Variants in CEMIP observed in about 807,000 individuals in gnomAD.
CEMIP encodes the protein cell migration-inducing and hyaluronan-binding protein.
A neutral mutation model predicts 156.9 loss-of-function variants in CEMIP; 105 were observed. The ratio of observed to expected loss-of-function variants is 0.67; its 90% CI spans 0.57 to 0.79. CEMIP has a LOEUF of 0.79. Ranked by LOEUF, CEMIP falls within the 30% of genes least tolerant of loss-of-function variation. CEMIP has a pLI of 0.00. For synonymous variants in CEMIP, 676 were observed against 668.4 expected, an observed-to-expected ratio of 1.01 and a Z score of -0.17; for missense variants, 1,457 against 1,769.4, an observed-to-expected ratio of 0.82 and a Z score of 3.17.
chr15:80,934,289 T>C (rs962546231), intron 23 of CEMIP, among the ~76,000 whole-genome samples: 3 of 152,260 alleles, frequency 2.0e-5, no homozygotes, highest in Non-Finnish European at 2.9e-5. Context: ...TGCTTTTGTT[T>C]TGAAATTTAA....
At chr15:80,783,353 C>G (rs989140385) in intron 1 of CEMIP, among the ~76,000 whole-genome samples, 1 of 152,238 alleles carries the variant, frequency 6.6e-6, no homozygotes, top group Non-Finnish European at 1.5e-5. Context: ...CTACACATCT[C>G]TTTCTACATG....
chr15:80,802,089 C>T (rs1896391517), intron 1 of CEMIP, among the ~76,000 whole-genome samples: 1 of 152,170 alleles, frequency 6.6e-6, no homozygotes, highest in Admixed American at 6.5e-5. Flanking sequence ...CTTGGAAGTA[C>T]TCATGGGGTC....
chr15:80,808,588 C>A (rs2141619547), intron 1 of CEMIP, among the ~76,000 whole-genome samples: 1 of 151,808 alleles, frequency 6.6e-6, no homozygotes, highest in East Asian at 1.9e-4. Flanking sequence ...AAAACTTAGG[C>A]CCATGAAAAT....
At chr15:80,788,472 A>T (rs1237545772) in intron 1 of CEMIP, among the ~76,000 whole-genome samples, 4 of 88,500 alleles carry the variant, frequency 4.5e-5, no homozygotes, top group Admixed American at 1.2e-4. Context: ...ACTCCATCTC[A>T]AAAAAAAAAA....
At chr15:80,802,098 TCATATTG>T (rs1896391651) in intron 1 of CEMIP, among the ~76,000 whole-genome samples, 2 of 152,106 alleles carry the variant, frequency 1.3e-5, no homozygotes, top group African/African-American at 4.8e-5. Flanking sequence ...ACTCATGGGG[TCATATTG>T]CATTGTTTCT....
At chr15:80,886,806 G>C (rs1030807846) in intron 7 of CEMIP, among the ~76,000 whole-genome samples, 2 of 144,322 alleles carry the variant, frequency 1.4e-5, no homozygotes, top group African/African-American at 4.9e-5. Flanking sequence ...CAGTAAACAG[G>C]GGAAATTTAG....
chr15:80,942,085 T>C, intron 26 of CEMIP, 32 bp downstream of exon 26: 3 of 1,601,326 alleles, frequency 1.9e-6, no homozygotes, highest in Non-Finnish European at 2.6e-6. Context: ...CTAGACCCCT[T>C]TGCCGTCCAG....
rs552338243 is a variant in CEMIP at position 80,839,342 on chromosome 15, G to A, written c.-175-34196G>A. 5.8e-3 allele frequency among the ~76,000 whole-genome samples: 809 copies of A among 138,518 alleles called. 2 individuals carry two copies. The highest frequency in any genetic ancestry group is 9.5e-3 in the Non-Finnish European group (609 of 63,964). The allele number at this position is 138,518 out of a possible 152,430, so 90.9% of individuals were successfully genotyped here. ...TGTGTGTGTGTGTGTTTAATTTGTG[G>A]CTTCAACAGAGGCCAGACTTAAGAA... On this transcript the variant is annotated intron_variant, in intron 1 of 29. Coordinates refer to ENST00000394685, the MANE Select transcript of CEMIP (RefSeq NM_001293298.2).
chr15:80,920,804 A>G (rs1900443286), intron 15 of CEMIP, among the ~76,000 whole-genome samples: 1 of 152,166 alleles, frequency 6.6e-6, no homozygotes, highest in African/African-American at 2.4e-5. Context: ...CACTGCTTCT[A>G]TTTTCAGGAC....
chr15:80,801,764 C>T (rs1393907488), intron 1 of CEMIP, among the ~76,000 whole-genome samples: 1 of 152,194 alleles, frequency 6.6e-6, no homozygotes, highest in African/African-American at 2.4e-5. Context: ...CTGTGGGTTC[C>T]ATACCTATAG....
intron 1 of CEMIP, chr15:80,841,996 G>T (rs777761271): frequency 3.9e-5 from 17 of 435,732 alleles, no homozygotes; most frequent in South Asian, 3.0e-4. Context: ...TATATTAAGA[G>T]CTCATCCATA....
chr15:80,821,658 G>C (rs1896912094), intron 1 of CEMIP, among the ~76,000 whole-genome samples: 1 of 152,184 alleles, frequency 6.6e-6, no homozygotes, highest in Non-Finnish European at 1.5e-5. Flanking sequence ...GTGAGGGAGA[G>C]GGAATGAGGT....
chr15:80,880,946 A>G lies in CEMIP; in HGVS notation c.427A>G (p.Ile143Val). The stretch of plus-strand genomic sequence containing the variant: ...GGATCCTTACTATGGTCTGAAGTAC[A>G]TTGGGGTTGGTAAAGGAGGCGCTCT... The part of the protein sequence containing the change: ...QPDPYYGLKY[I>V]GVGKGGALEL... The change falls in exon 6 of 30, where the codon ATT (isoleucine) becomes GTT (valine). Residue 143 changes from isoleucine to valine, a missense_variant. By Grantham distance (29) the Ile-to-Val change is conservative. Transcript: ENST00000394685. The G allele has an allele frequency of 1.2e-6, 2 of 1,614,200 alleles. No individual in the cohort carries two copies. Among genetic ancestry groups the G allele is most frequent in the Non-Finnish European group, 8.5e-7 (1 of 1,180,024 alleles).
intron 23 of CEMIP, among the ~76,000 whole-genome samples, chr15:80,936,145 C>G (rs759091060): frequency 3.0e-4 from 45 of 152,198 alleles, no homozygotes; most frequent in Non-Finnish European, 4.7e-4. Flanking sequence ...AATGAGGCAC[C>G]ATTTATTCAT....
At chr15:80,914,910 G>T (rs1168764848) in intron 14 of CEMIP, among the ~76,000 whole-genome samples, 1 of 151,888 alleles carries the variant, frequency 6.6e-6, no homozygotes, top group African/African-American at 2.4e-5. Flanking sequence ...AGGACAATTC[G>T]ATGGTTAGGG....
chr15:80,838,246 G>A (rs1897309474), intron 1 of CEMIP, among the ~76,000 whole-genome samples: 1 of 152,206 alleles, frequency 6.6e-6, no homozygotes, highest in Non-Finnish European at 1.5e-5. Flanking sequence ...GCTGGCTGGA[G>A]CAACGGGTCT....
At chr15:80,810,325 G>A (rs1350033135) in intron 1 of CEMIP, among the ~76,000 whole-genome samples, 1 of 152,040 alleles carries the variant, frequency 6.6e-6, no homozygotes, top group African/African-American at 2.4e-5. Context: ...CTCTCCTGAA[G>A]GACAACTTTC....
At chr15:80,940,145 T>C (rs1901284529) in intron 25 of CEMIP, among the ~76,000 whole-genome samples, 1 of 152,302 alleles carries the variant, frequency 6.6e-6, no homozygotes, top group African/African-American at 2.4e-5. Context: ...TCTGCAACAT[T>C]ACTTGGTCAT....
intron 1 of CEMIP, among the ~76,000 whole-genome samples, chr15:80,852,309 T>G (rs1275361788): frequency 1.3e-5 from 2 of 152,134 alleles, no homozygotes. Flanking sequence ...GCCTGATACC[T>G]GGCACACAGA....
Sources: gnomAD v4.1 joint callset for allele counts (sites outside exome capture counted in the v4.1 genomes callset) on GRCh38, gnomAD v4.1.1 for gene constraint, MANE v1.5 for transcripts, NCBI Gene and HGNC (gene_info 2026-07-23, HGNC 2026-07-21) for gene names.